Variants in CSGALNACT1 observed in about 807,000 individuals in gnomAD.
CSGALNACT1 encodes the protein chondroitin sulfate N-acetylgalactosaminyltransferase 1.
In CSGALNACT1, 52 loss-of-function variants were observed where a neutral mutation model predicts 51.0. That is an observed-to-expected ratio of 1.02 (90% CI 0.82 to 1.29). The LOEUF (loss-of-function observed/expected upper bound fraction) is 1.29, where lower values mean the gene tolerates loss of function less well. Ranked by LOEUF, CSGALNACT1 falls within the 50% of genes most tolerant of loss-of-function variation. The pLI is 0.00. For missense variants in CSGALNACT1, 935 were observed against 679.2 expected, an observed-to-expected ratio of 1.38 and a Z score of -4.19; for synonymous variants, 341 against 254.4, an observed-to-expected ratio of 1.34 and a Z score of -3.24.
At chr8:19,722,007 C>CAA (rs57486900) in intron 1 of CSGALNACT1, among the ~76,000 whole-genome samples, 1 of 151,260 alleles carries the variant, frequency 6.6e-6, no homozygotes, top group Non-Finnish European at 1.5e-5. Flanking sequence ...TCGACTCAAG[C>CAA]AAAAAAAAGA....
At chr8:19,594,721 T>A (rs548907986) in intron 2 of CSGALNACT1, among the ~76,000 whole-genome samples, 35 of 152,186 alleles carry the variant, frequency 2.3e-4, no homozygotes, top group Admixed American at 3.9e-4. Flanking sequence ...TTTTTTTTTT[T>A]TTTTATTTTT....
chr8:19,619,605 A>G (rs1009322380), intron 1 of CSGALNACT1, among the ~76,000 whole-genome samples: 2 of 152,296 alleles, frequency 1.3e-5, no homozygotes, highest in South Asian at 4.1e-4. Context: ...TTCTAGGCAT[A>G]GAGTCAGGGC....
intron 1 of CSGALNACT1, among the ~76,000 whole-genome samples, chr8:19,745,711 G>A (rs1280549627): frequency 1.3e-5 from 2 of 152,110 alleles, no homozygotes; most frequent in East Asian, 1.9e-4. Flanking sequence ...CCATCCCCAG[G>A]GAATATCTGT....
chr8:19,420,525 G>C lies in CSGALNACT1; in HGVS notation c.954-7C>G. The C allele has an allele frequency of 1.9e-6, 3 of 1,613,494 alleles. No homozygotes were observed. Among genetic ancestry groups the C allele is most frequent in the Non-Finnish European group, 2.5e-6 (3 of 1,179,918 alleles). On this transcript the variant is annotated splice_region_variant and splice_polypyrimidine_tract_variant and intron_variant, in intron 6 of 9. Coordinates refer to ENST00000454498, the Ensembl canonical transcript of CSGALNACT1. ...GTTCCTGAAGTTGGCAGCTCTGAAA[G>C]GCAAGACCAGGTACTGTCACTCACA...
At chr8:19,618,503 AG>A (rs2060336020) in intron 1 of CSGALNACT1, among the ~76,000 whole-genome samples, 1 of 151,768 alleles carries the variant, frequency 6.6e-6, no homozygotes, top group Admixed American at 6.6e-5. Flanking sequence ...AGCCAGGCTC[AG>A]TGGTGGCCAC....
At chr8:19,428,311 T>G (rs140022325) in intron 6 of CSGALNACT1, among the ~76,000 whole-genome samples, 1 of 152,170 alleles carries the variant, frequency 6.6e-6, no homozygotes. Context: ...CACAGTTCCA[T>G]GTGGCTGGGG....
At chr8:19,590,190 C>A (rs548981536) in intron 3 of CSGALNACT1, among the ~76,000 whole-genome samples, 1 of 152,172 alleles carries the variant, frequency 6.6e-6, no homozygotes, top group Non-Finnish European at 1.5e-5. Flanking sequence ...GTGGGCGACA[C>A]GACTGCAAAT....
chr8:19,644,059 A>C (rs972834551), intron 1 of CSGALNACT1, among the ~76,000 whole-genome samples: 1 of 150,058 alleles, frequency 6.7e-6, no homozygotes, highest in African/African-American at 2.5e-5. Flanking sequence ...GAGAATGCTA[A>C]GTTATGGCAT....
At chr8:19,630,186 C>G (rs1364682563) in intron 1 of CSGALNACT1, among the ~76,000 whole-genome samples, 1 of 142,902 alleles carries the variant, frequency 7.0e-6, no homozygotes, top group African/African-American at 2.7e-5. Context: ...ATCCAAGTTC[C>G]CACGTCTCTG....
At chr8:19,511,006 T>C (rs1428088794) in intron 3 of CSGALNACT1, among the ~76,000 whole-genome samples, 1 of 152,234 alleles carries the variant, frequency 6.6e-6, no homozygotes, top group African/African-American at 2.4e-5. Flanking sequence ...CTGTGTACTC[T>C]GCCAAGATAT....
At chr8:19,421,278 T>TGA (rs879832230) in intron 6 of CSGALNACT1, among the ~76,000 whole-genome samples, 5,103 of 152,320 alleles carry the variant, frequency 0.034, 168 homozygotes, top group East Asian at 0.12. Context: ...TTGCTGTGAT[T>TGA]AGCATGGGCA....
At chr8:19,527,764 A>G (rs1224925840) in intron 3 of CSGALNACT1, among the ~76,000 whole-genome samples, 1 of 152,144 alleles carries the variant, frequency 6.6e-6, no homozygotes. Flanking sequence ...TAGAAAACCA[A>G]AAATATCAAA....
chr8:19,687,116 C>CA (rs1339495848), upstream of CSGALNACT1, among the ~76,000 whole-genome samples: 14 of 152,158 alleles, frequency 9.2e-5, no homozygotes, highest in African/African-American at 3.4e-4. Context: ...TTAAGAACTG[C>CA]AAAAAATGTG....
chr8:19,525,035 G>A (rs1486238780), intron 3 of CSGALNACT1, among the ~76,000 whole-genome samples: 1 of 152,154 alleles, frequency 6.6e-6, no homozygotes, highest in Non-Finnish European at 1.5e-5. Flanking sequence ...ACTGACCACA[G>A]CATTGCTTAT....
intron 3 of CSGALNACT1, among the ~76,000 whole-genome samples, chr8:19,542,773 A>C (rs946815350): frequency 7.2e-5 from 11 of 152,198 alleles, no homozygotes; most frequent in African/African-American, 2.7e-4. Context: ...ACGCAAAACA[A>C]AACAAGAAGA....
chr8:19,584,183 C>A (rs1564148089), intron 3 of CSGALNACT1, among the ~76,000 whole-genome samples: 1 of 152,172 alleles, frequency 6.6e-6, no homozygotes, highest in Non-Finnish European at 1.5e-5. Context: ...TTTTCATCTG[C>A]AGAACGTAAT....
chr8:19,676,957 G>C (rs890639918), intron 1 of CSGALNACT1, among the ~76,000 whole-genome samples: 1 of 152,186 alleles, frequency 6.6e-6, no homozygotes, highest in African/African-American at 2.4e-5. Context: ...AGAGTTATTA[G>C]TAGCATTGAC....
chr8:19,615,873 C>T (rs1386990132), intron 1 of CSGALNACT1, among the ~76,000 whole-genome samples: 3 of 152,106 alleles, frequency 2.0e-5, no homozygotes, highest in South Asian at 2.1e-4. Flanking sequence ...ATGTGAAAAA[C>T]GTCAACCTCA....
At chr8:19,606,999 C>T (rs1190846937), upstream of CSGALNACT1, among the ~76,000 whole-genome samples, 2 of 151,776 alleles carry the variant, frequency 1.3e-5, no homozygotes. Flanking sequence ...ACTAAAAATA[C>T]AAAAAATTAG....
Sources: gnomAD v4.1 joint callset for allele counts (sites outside exome capture counted in the v4.1 genomes callset) on GRCh38, gnomAD v4.1.1 for gene constraint, MANE v1.5 for transcripts, NCBI Gene and HGNC (gene_info 2026-07-23, HGNC 2026-07-21) for gene names.